EFHC2: variants seen among roughly 807,000 people sequenced by gnomAD.
The protein encoded by EFHC2 is EF-hand domain-containing family member C2.
EFHC2 carries 18 observed loss-of-function variants against 52.7 expected under a neutral mutation model. That is an observed-to-expected ratio of 0.34 (90% confidence interval 0.24 to 0.51). The LOEUF is 0.51. EFHC2 is among the 20% of genes least tolerant of loss of function. The pLI is 0.97. For synonymous variants in EFHC2, 203 were observed against 204.1 expected, an observed-to-expected ratio of 0.99 and a Z score of 0.04; for missense variants, 513 against 562.5, an observed-to-expected ratio of 0.91 and a Z score of 0.89.
intron 4 of EFHC2, among the ~76,000 whole-genome samples, chrX:44,251,474 G>T (rs1407764311): frequency 1.0e-5 from 1 of 99,515 alleles, no homozygotes; most frequent in Non-Finnish European, 2.0e-5. Context: ...GGTGGCAGGT[G>T]CCAGTAATCC....
At chrX:44,240,097 T>A (rs2037349174) in intron 8 of EFHC2, among the ~76,000 whole-genome samples, 1 of 112,160 alleles carries the variant, frequency 8.9e-6, no homozygotes, top group Non-Finnish European at 1.9e-5. Context: ...AATTCACAGT[T>A]TATTTGTATT....
intron 3 of EFHC2, among the ~76,000 whole-genome samples, chrX:44,270,674 C>T (rs929495149): frequency 1.8e-5 from 2 of 111,328 alleles, no homozygotes; most frequent in African/African-American, 6.5e-5. Flanking sequence ...TATTCATGAG[C>T]ACCCAATATT....
At chrX:44,189,371 A>C (rs2036902791) in intron 11 of EFHC2, among the ~76,000 whole-genome samples, 2 of 112,095 alleles carry the variant, frequency 1.8e-5, no homozygotes, top group Admixed American at 9.5e-5. Flanking sequence ...CAGTACTATT[A>C]ATAGTAAGTG....
At chrX:44,205,758 T>C (rs772364134) in intron 11 of EFHC2, among the ~76,000 whole-genome samples, 6 of 111,318 alleles carry the variant, frequency 5.4e-5, no homozygotes, top group Admixed American at 4.8e-4. Context: ...AGAAAAGACA[T>C]AGATGGCCAT....
chrX:44,250,467 A>G, intron 4 of EFHC2, 22 bp from the exon 5 acceptor site: 1 of 1,175,772 alleles, frequency 8.5e-7, no homozygotes, highest in East Asian at 3.0e-5. Flanking sequence ...GAAAATGTCA[A>G]TAATAGTTGC....
chrX:44,150,780 G>A (rs942623234), intron 14 of EFHC2, among the ~76,000 whole-genome samples: 2 of 111,685 alleles, frequency 1.8e-5, no homozygotes, highest in African/African-American at 6.5e-5. Flanking sequence ...GAAAGGTGTA[G>A]TGCTATGGGT....
chrX:44,225,550 AAG>A (rs749535780), intron 11 of EFHC2: 2 of 112,442 alleles, frequency 1.8e-5, no homozygotes, highest in South Asian at 7.4e-4. Flanking sequence ...ATCTAAGCAG[AAG>A]AGAGTCAGGG....
chrX:44,188,517 C>T (rs1009265035), intron 11 of EFHC2, among the ~76,000 whole-genome samples: 1 of 110,714 alleles, frequency 9.0e-6, no homozygotes, highest in Non-Finnish European at 1.9e-5. Flanking sequence ...AGGAATGGAC[C>T]AGATTTGACC....
intron 2 of EFHC2, among the ~76,000 whole-genome samples, chrX:44,282,593 G>C (rs1488467371): frequency 1.4e-5 from 1 of 69,090 alleles, no homozygotes; most frequent in Non-Finnish European, 2.7e-5. Flanking sequence ...TCCAGCCTGG[G>C]CGACAGAGTG....
intron 11 of EFHC2, 126 bp from the exon 12 acceptor site, chrX:44,178,690 G>T: frequency 1.9e-6 from 1 of 514,100 alleles, no homozygotes; most frequent in Non-Finnish European, 2.9e-6. Context: ...GAGGTCATGT[G>T]ATTTTTTTAA....
chrX:44,253,956 C>T (rs1377046186), intron 4 of EFHC2, among the ~76,000 whole-genome samples: 1 of 112,548 alleles, frequency 8.9e-6, no homozygotes, highest in African/African-American at 3.2e-5. Flanking sequence ...GCAGCCTCCA[C>T]TGGTGATACC....
chrX:44,315,562 C>T (rs2037977958), intron 1 of EFHC2, among the ~76,000 whole-genome samples: 1 of 111,375 alleles, frequency 9.0e-6, no homozygotes, highest in Non-Finnish European at 1.9e-5. Context: ...CAAGCTTACA[C>T]AGTAACTAGT....
At chrX:44,324,262 G>A (rs769887308) in intron 1 of EFHC2, among the ~76,000 whole-genome samples, 1 of 110,055 alleles carries the variant, frequency 9.1e-6, no homozygotes, top group Non-Finnish European at 1.9e-5. Context: ...AAAGAGGGCA[G>A]CTTCAATTCC....
At chrX:44,213,523 A>C (rs1001306502) in intron 11 of EFHC2, among the ~76,000 whole-genome samples, 9 of 112,075 alleles carry the variant, frequency 8.0e-5, no homozygotes, top group African/African-American at 2.6e-4. Context: ...AAAAGGCAGG[A>C]CAACTCAAAG....
In EFHC2 at chrX:44,277,638, G is replaced by A. The variant is rs1602192652; in HGVS notation, c.232-4802C>T. On this transcript the variant is annotated intron_variant, in intron 2 of 14. Coordinates refer to ENST00000420999, the MANE Select transcript of EFHC2 (RefSeq NM_025184.4). ...AATACATTTTGTGTTGCATATAGAGGATGGCTCCTTTATACATGACAATAT... is the reference window on the plus strand; with the variant it reads ...AATACATTTTGTGTTGCATATAGAGAATGGCTCCTTTATACATGACAATAT... Among the ~76,000 whole-genome samples the A allele has an allele frequency of 5.4e-5, 6 of 111,150 alleles. No homozygotes were observed. The South Asian group carries it at 2.2e-3, about 41-fold the overall frequency.
At chrX:44,190,343 AG>A (rs1170629178) in intron 11 of EFHC2, among the ~76,000 whole-genome samples, 3 of 111,531 alleles carry the variant, frequency 2.7e-5, no homozygotes, top group Non-Finnish European at 5.6e-5. Flanking sequence ...TGGACAATGA[AG>A]GGCAAAGGAA....
chrX:44,244,422 G>A (rs2037383715), intron 7 of EFHC2, among the ~76,000 whole-genome samples: 1 of 112,027 alleles, frequency 8.9e-6, no homozygotes, highest in African/African-American at 3.2e-5. Context: ...TGTTTTAGGT[G>A]TTCAAAAATA....
chrX:44,277,694 T>C (rs1032089536), intron 2 of EFHC2, among the ~76,000 whole-genome samples: 1 of 111,317 alleles, frequency 9.0e-6, no homozygotes, highest in Non-Finnish European at 1.9e-5. Context: ...CTGAAACATA[T>C]GCTAATTCAC....
chrX:44,183,631 C>T (rs2036852100), intron 11 of EFHC2, among the ~76,000 whole-genome samples: 1 of 111,937 alleles, frequency 8.9e-6, no homozygotes, highest in South Asian at 3.7e-4. Flanking sequence ...ATGTACAAAG[C>T]TCTTCAACTT....
Sources: gnomAD v4.1 joint callset for allele counts (sites outside exome capture counted in the v4.1 genomes callset) on GRCh38, gnomAD v4.1.1 for gene constraint, MANE v1.5 for transcripts, NCBI Gene and HGNC (gene_info 2026-07-23, HGNC 2026-07-21) for gene names.